The following TUBA4A variants were observed in gnomAD, a reference collection of about 807,000 sequenced individuals.
The protein encoded by TUBA4A is tubulin alpha-4A chain.
TUBA4A carries 23 observed loss-of-function variants against 34.3 expected under a neutral mutation model. The ratio of observed to expected loss-of-function variants is 0.67; its 90% CI spans 0.48 to 0.95. TUBA4A has a LOEUF of 0.95. Ranked by LOEUF, TUBA4A falls within the 40% of genes least tolerant of loss-of-function variation. The pLI, the probability that TUBA4A is intolerant of heterozygous loss-of-function variation, is 0.00. For synonymous variants in TUBA4A, 216 were observed against 230.5 expected, an observed-to-expected ratio of 0.94 and a Z score of 0.57; for missense variants, 279 against 599.0, an observed-to-expected ratio of 0.47 and a Z score of 5.58.
At position 219,250,170 on chromosome 2, in the gene TUBA4A, C is replaced by G. The variant is rs891555887; in HGVS notation, c.*182G>C. ...CCTGGGCCTGGCAAGAACCCCTTTG[C>G]AGGTCTCACCTTCAGCGATGGAAGG... On this transcript the variant is annotated 3_prime_UTR_variant, in exon 4 of 4. Coordinates refer to ENST00000248437, the MANE Select transcript of TUBA4A (RefSeq NM_006000.3). The surrounding 1 kb of genome is among the most constrained non-coding windows in gnomAD (Gnocchi z 8.4). 4.5e-6 allele frequency: 4 copies of G among 887,670 alleles called. No homozygotes were observed. The Admixed American group carries it at 9.4e-5, about 21-fold the overall frequency. 55.0% of individuals were successfully genotyped at this position (887,670 alleles called of 1,614,324 possible).
rs1411104035 is a variant in TUBA4A, at chr2:219,252,802, C to T, written c.4-572G>A. ...ACCACTTTCATCTCCCGTGTCAGCC[C>T]GCACGGAAATAGCGGCGGTAATGCT... is the stretch of plus-strand genomic sequence containing the variant. On this transcript the variant is annotated intron_variant, in intron 1 of 3. Transcript: ENST00000248437. This position sits in a 1 kb window ranked among gnomAD's most constrained non-coding sequence, Gnocchi z 4.1. 2 of 471,916 alleles carry T rather than the reference C, an allele frequency of 4.2e-6. No individual in the cohort carries two copies. Among genetic ancestry groups the T allele is most frequent in the Middle Eastern group, 3.2e-4 (1 of 3,086 alleles). The allele number at this position is 471,916 out of a possible 1,614,324, so 29.2% of individuals were successfully genotyped here.
In TUBA4A at chr2:219,253,884, G is replaced by C; in HGVS notation, c.-26C>G. On this transcript the variant is annotated 5_prime_UTR_variant, in exon 1 of 4. Transcript: ENST00000248437. ...GGTGAGTCCGGGCGGTGCGTCTCAC[G>C]TTGAGTCGGGGTGACAGGTCTCAGT... 1 of 1,437,864 alleles carries C rather than the reference G, an allele frequency of 7.0e-7. No homozygotes were observed. The highest frequency in any genetic ancestry group is 9.1e-7 in the Non-Finnish European group (1 of 1,094,810). The allele number at this position is 1,437,864 out of a possible 1,614,324, so 89.1% of individuals were successfully genotyped here.
rs1011203429 is a variant in TUBA4A, at chr2:219,253,883, C to T, written c.-25G>A. 6 of 1,437,592 alleles carry T rather than the reference C, an allele frequency of 4.2e-6. No individual in the cohort carries two copies. The highest frequency in any genetic ancestry group is 1.5e-5 in the African/African-American group (1 of 68,400). The allele number at this position is 1,437,592 out of a possible 1,614,324, so 89.1% of individuals were successfully genotyped here. A position where few individuals can be genotyped will look rare whatever the true frequency, so the allele number is the denominator to read the frequency against. On this transcript the variant is annotated 5_prime_UTR_variant, in exon 1 of 4. It adds an upstream start codon to the 5' untranslated region. Coordinates refer to ENST00000248437, the MANE Select transcript of TUBA4A (RefSeq NM_006000.3). The stretch of plus-strand genomic sequence containing the variant: ...TGGTGAGTCCGGGCGGTGCGTCTCA[C>T]GTTGAGTCGGGGTGACAGGTCTCAG...
In TUBA4A at chr2:219,251,650, T is replaced by A; in HGVS notation, c.290A>T (p.Glu97Val). 1 of 1,614,150 alleles carries A rather than the reference T, an allele frequency of 6.2e-7. No individual in the cohort carries two copies. The highest frequency in any genetic ancestry group is 8.5e-7 in the Non-Finnish European group (1 of 1,180,004). ...FHPEQLITGK[E>V]DAANNYARGH... ...ACGGGCATAGTTGTTGGCAGCATCC[T>A]CTTTCCCAGTGATGAGCTGCTCTGG... The change falls in exon 3 of 4, where the codon GAG (glutamate) becomes GTG (valine). Residue 97 changes from glutamate to valine, a missense_variant. Coordinates refer to ENST00000248437, the MANE Select transcript of TUBA4A (RefSeq NM_006000.3). This position sits in a 1 kb window ranked among gnomAD's most constrained non-coding sequence, Gnocchi z 6.1.
In TUBA4A at chr2:219,252,966, C is replaced by T. The variant is rs1951672531; in HGVS notation, c.4-736G>A. 2.0e-6 allele frequency: 1 copy of T among 507,930 alleles called. No homozygotes were observed. Among genetic ancestry groups the T allele is most frequent in the African/African-American group, 2.0e-5 (1 of 50,860 alleles). The allele number at this position is 507,930 out of a possible 1,614,324, so 31.5% of individuals were successfully genotyped here. A position where few individuals can be genotyped will look rare whatever the true frequency, so the allele number is the denominator to read the frequency against. ...CAGGGCCCGCGCGCTCTTCCCACAC[C>T]GAAATGGCGGGGTGACGGTTTCCAA... On this transcript the variant is annotated intron_variant, in intron 1 of 3. Transcript: ENST00000248437. This position sits in a 1 kb window ranked among gnomAD's most constrained non-coding sequence, Gnocchi z 4.1.
chr2:219,250,315 T>C lies in TUBA4A; in HGVS notation c.*37A>G, dbSNP rs917293819. On this transcript the variant is annotated 3_prime_UTR_variant, in exon 4 of 4. Transcript: ENST00000248437. This position sits in a 1 kb window ranked among gnomAD's most constrained non-coding sequence, Gnocchi z 8.4. ...GAAACTGTTTATTTCGAAAGGATTTTGCAATAAACATAGTGAATAGGCTCC... is the reference window on the plus strand; with the variant it reads ...GAAACTGTTTATTTCGAAAGGATTTCGCAATAAACATAGTGAATAGGCTCC... 2 of 1,563,210 alleles carry C rather than the reference T, an allele frequency of 1.3e-6. No homozygotes were observed. Among genetic ancestry groups the C allele is most frequent in the Non-Finnish European group, 1.7e-6 (2 of 1,153,466 alleles).
Position 219,250,404 on chromosome 2 carries a change from T to C in TUBA4A, c.1295A>G (p.Tyr432Cys). 6.2e-7 allele frequency: 1 copy of C among 1,614,204 alleles called. No individual in the cohort carries two copies. Among genetic ancestry groups the C allele is most frequent in the Non-Finnish European group, 8.5e-7 (1 of 1,180,012 alleles). The change falls in exon 4 of 4, where the codon TAT (tyrosine) becomes TGT (cysteine). Residue 432 changes from tyrosine to cysteine, a missense_variant. Coordinates refer to ENST00000248437, the MANE Select transcript of TUBA4A (RefSeq NM_006000.3). The surrounding 1 kb of genome is among the most constrained non-coding windows in gnomAD (Gnocchi z 8.4). ...ATAGGAGTCGATGCCCACCTCCTCA[T>C]AATCCTTCTCCAGGGCAGCCATATC... ...REDMAALEKD[Y>C]EEVGIDSYED...
chr2:219,253,179 C>T (rs1951676428), intron 1 of TUBA4A: 15 of 1,511,378 alleles, frequency 9.9e-6, no homozygotes, highest in Non-Finnish European at 1.3e-5. Context: ...ATACCACCCC[C>T]TACATGCACC....
At position 219,251,658 on chromosome 2, in the gene TUBA4A, A is replaced by G; in HGVS notation, c.282T>C (p.Thr94=). The G allele has an allele frequency of 6.2e-7, 1 of 1,614,108 alleles. No individual in the cohort carries two copies. Residue 94 remains threonine, a synonymous_variant, in exon 3 of 4, where the codon ACT becomes ACC. Coordinates refer to ENST00000248437, the MANE Select transcript of TUBA4A (RefSeq NM_006000.3). This position sits in a 1 kb window ranked among gnomAD's most constrained non-coding sequence, Gnocchi z 6.1. The part of the protein sequence containing the change: ...RQLFHPEQLI[T]GKEDAANNYA... ...AGTTGTTGGCAGCATCCTCTTTCCC[A>G]GTGATGAGCTGCTCTGGGTGGAAGA...
upstream of TUBA4A, chr2:219,254,064 ACCCTC>A: frequency 2.2e-6 from 1 of 464,240 alleles, no homozygotes; most frequent in Non-Finnish European, 3.9e-6. Flanking sequence ...CTGGCCTGGT[ACCCTC>A]CCCAAGCTGC....
chr2:219,251,878 C>T lies in TUBA4A; in HGVS notation c.226+130G>A. 7.5e-7 allele frequency: 1 copy of T among 1,337,238 alleles called. No individual in the cohort carries two copies. Among genetic ancestry groups the T allele is most frequent in the Non-Finnish European group, 1.0e-6 (1 of 969,388 alleles). 82.8% of individuals were successfully genotyped at this position (1,337,238 alleles called of 1,614,324 possible). The stretch of plus-strand genomic sequence containing the variant: ...CCCAGGCCAGTCTCAGATCAGCTTG[C>T]CTTCTGCAGCTTCAAGTACGGCTAG... On this transcript the variant is annotated intron_variant, in intron 2 of 3. Coordinates refer to ENST00000248437, the MANE Select transcript of TUBA4A (RefSeq NM_006000.3). This position sits in a 1 kb window ranked among gnomAD's most constrained non-coding sequence, Gnocchi z 6.1.
rs1177370942 is a variant in TUBA4A at position 219,252,664 on chromosome 2, A to G, written c.4-434T>C. 8 of 426,130 alleles carry G rather than the reference A, an allele frequency of 1.9e-5. No individual in the cohort carries two copies. The highest frequency in any genetic ancestry group is 1.6e-4 in the African/African-American group (8 of 49,148). The allele number at this position is 426,130 out of a possible 1,614,324, so 26.4% of individuals were successfully genotyped here. A position where few individuals can be genotyped will look rare whatever the true frequency, so the allele number is the denominator to read the frequency against. ...CAGCCATCCAATCTGGCATCAACTG[A>G]CCACACGCCATCAGGATGCCCTCCT... On this transcript the variant is annotated intron_variant, in intron 1 of 3. Coordinates refer to ENST00000248437, the MANE Select transcript of TUBA4A (RefSeq NM_006000.3). The surrounding 1 kb of genome is among the most constrained non-coding windows in gnomAD (Gnocchi z 4.1).
upstream of TUBA4A, chr2:219,254,527 A>T (rs990194157): frequency 6.6e-6 from 1 of 152,260 alleles, no homozygotes; most frequent in Non-Finnish European, 1.5e-5. Context: ...CGCAGAGTCG[A>T]GCCCCGCAGC....
In TUBA4A at chr2:219,251,914, G is replaced by A; in HGVS notation, c.226+94C>T. ...TTCAAGTACGGCTAGGAATTTTCAGGGCTAGGAATGCCTGGTCTAAATACC... is the reference window on the plus strand; with the variant it reads ...TTCAAGTACGGCTAGGAATTTTCAGAGCTAGGAATGCCTGGTCTAAATACC... On this transcript the variant is annotated intron_variant, in intron 2 of 3. Transcript: ENST00000248437. The surrounding 1 kb of genome is among the most constrained non-coding windows in gnomAD (Gnocchi z 6.1). 7.0e-7 allele frequency: 1 copy of A among 1,422,198 alleles called. No individual in the cohort carries two copies. Among genetic ancestry groups the A allele is most frequent in the East Asian group, 2.4e-5 (1 of 41,838 alleles). The allele number at this position is 1,422,198 out of a possible 1,614,324, so 88.1% of individuals were successfully genotyped here.
In TUBA4A at chr2:219,252,549, C is replaced by CG. The variant is rs1355445414; in HGVS notation, c.4-320_4-319insC. ...GGGTTTACAGCTAGAGGCCCCCCCC[C>CG]CACTTGATTAATTATTTGCTTTGAG... On this transcript the variant is annotated intron_variant, in intron 1 of 3. Coordinates refer to ENST00000248437, the MANE Select transcript of TUBA4A (RefSeq NM_006000.3). The surrounding 1 kb of genome is among the most constrained non-coding windows in gnomAD (Gnocchi z 4.1). Among the ~76,000 whole-genome samples, 1 of 150,880 alleles carries CG rather than the reference C, an allele frequency of 6.6e-6. No homozygotes were observed. The highest frequency in any genetic ancestry group is 2.0e-4 in the East Asian group (1 of 5,074).
At chr2:219,253,530 A>G (rs1574887279) in intron 1 of TUBA4A, 1 of 960,660 alleles carries the variant, frequency 1.0e-6, no homozygotes, top group South Asian at 1.4e-5. Context: ...TTGCCCGCGG[A>G]AAGGACGGGG....
At position 219,251,650 on chromosome 2, in the gene TUBA4A, T is replaced by C; in HGVS notation, c.290A>G (p.Glu97Gly). 6.2e-7 allele frequency: 1 copy of C among 1,614,150 alleles called. No individual in the cohort carries two copies. The highest frequency in any genetic ancestry group is 8.5e-7 in the Non-Finnish European group (1 of 1,180,004). The part of the protein sequence containing the change: ...FHPEQLITGK[E>G]DAANNYARGH... ...ACGGGCATAGTTGTTGGCAGCATCC[T>C]CTTTCCCAGTGATGAGCTGCTCTGG... is the stretch of plus-strand genomic sequence containing the variant. Residue 97 changes from glutamate to glycine, a missense_variant, in exon 3 of 4, where the codon GAG (glutamate) becomes GGG (glycine). By Grantham distance (98) the Glu-to-Gly change is moderately conservative. Transcript: ENST00000248437. This position sits in a 1 kb window ranked among gnomAD's most constrained non-coding sequence, Gnocchi z 6.1.
chr2:219,253,960 G>C (rs1461479728), upstream of TUBA4A: 2 of 1,095,514 alleles, frequency 1.8e-6, no homozygotes, highest in African/African-American at 3.3e-5. Flanking sequence ...CGGGGGGGGG[G>C]CGGGGCCCGC....
In TUBA4A at chr2:219,252,812, T is replaced by A; in HGVS notation, c.4-582A>T. 1 of 471,720 alleles carries A rather than the reference T, an allele frequency of 2.1e-6. No individual in the cohort carries two copies. Among genetic ancestry groups the A allele is most frequent in the Non-Finnish European group, 4.4e-6 (1 of 227,584 alleles). 29.2% of individuals were successfully genotyped at this position (471,720 alleles called of 1,614,324 possible). A position where few individuals can be genotyped will look rare whatever the true frequency, so the allele number is the denominator to read the frequency against. On this transcript the variant is annotated intron_variant, in intron 1 of 3. Transcript: ENST00000248437. This position sits in a 1 kb window ranked among gnomAD's most constrained non-coding sequence, Gnocchi z 4.1. ...TCTCCCGTGTCAGCCCGCACGGAAA[T>A]AGCGGCGGTAATGCTTGTAAGCTCA...
Sources: allele counts gnomAD v4.1 joint callset (sites outside exome capture counted in the v4.1 genomes callset), GRCh38; gene constraint gnomAD v4.1.1; non-coding constraint Gnocchi (gnomAD v3.1); transcripts MANE v1.5; gene names NCBI Gene and HGNC (gene_info 2026-07-23, HGNC 2026-07-21).